The following NRIP1 variants were observed in gnomAD, a reference collection of about 807,000 sequenced individuals.
The protein encoded by NRIP1 is nuclear receptor-interacting protein 1.
A neutral mutation model predicts 75.0 loss-of-function variants in NRIP1; 28 were observed. The observed-to-expected ratio is 0.37, with a 90% confidence interval of 0.28 to 0.51. The LOEUF is 0.51. NRIP1 is among the 20% of genes least tolerant of loss of function. The pLI, the probability that NRIP1 is intolerant of heterozygous loss-of-function variation, is 0.92. For synonymous variants in NRIP1, 526 were observed against 487.6 expected (o/e 1.08, Z -1.04); for missense variants, 1,435 against 1,343.7 (o/e 1.07, Z -1.06).
At chr21:14,992,285 G>A (rs567341818) in intron 3 of NRIP1, 1 of 152,282 alleles carries the variant, frequency 6.6e-6, no homozygotes, top group Non-Finnish European at 1.5e-5. Flanking sequence ...CCGGACTCAA[G>A]TGATCCCCCG....
intron 3 of NRIP1, among the ~76,000 whole-genome samples, chr21:14,985,120 T>A (rs1326346129): frequency 6.6e-6 from 1 of 152,222 alleles, no homozygotes; most frequent in Admixed American, 6.5e-5. Context: ...CATGAGAGTA[T>A]AAACTCCTTA....
chr21:14,980,817 A>T (rs1018153138), intron 3 of NRIP1, among the ~76,000 whole-genome samples: 61 of 152,310 alleles, frequency 4.0e-4, no homozygotes, highest in African/African-American at 1.4e-3. Flanking sequence ...TGATAAATTA[A>T]ATACCTTTGC....
At chr21:15,043,041 A>C (rs1210799137) in intron 2 of NRIP1, among the ~76,000 whole-genome samples, 1 of 152,222 alleles carries the variant, frequency 6.6e-6, no homozygotes, top group Non-Finnish European at 1.5e-5. Flanking sequence ...GAGTCTGTCC[A>C]CGGACTCTGA....
In NRIP1 at chr21:14,965,707, C is replaced by A; in HGVS notation, c.2486G>T (p.Ser829Ile). Reference protein sequence around the residue: ...LSRLLRQNQDSYLADDSDRSH... With the variant: ...LSRLLRQNQDIYLADDSDRSH... ...CCTGTCTGAATCATCTGCCAGGTAACTATCTTGATTTTGTCTTAGCAATCG... is the reference window on the plus strand; with the variant it reads ...CCTGTCTGAATCATCTGCCAGGTAAATATCTTGATTTTGTCTTAGCAATCG... Residue 829 changes from serine (S) to isoleucine (I), a missense_variant, in exon 4 of 4, where the codon AGT becomes ATT. Transcript: ENST00000318948. The A allele has an allele frequency of 3.1e-6, 5 of 1,613,816 alleles. No individual in the cohort carries two copies. Among genetic ancestry groups the A allele is most frequent in the Non-Finnish European group, 4.2e-6 (5 of 1,179,978 alleles).
At chr21:14,988,497 A>ATGTGTGTGTG (rs1370123141) in intron 3 of NRIP1, among the ~76,000 whole-genome samples, 39 of 141,900 alleles carry the variant, frequency 2.7e-4, no homozygotes, top group South Asian at 2.2e-3. Flanking sequence ...TAGTATATAT[A>ATGTGTGTGTG]TATGTGTGTG....
intron 2 of NRIP1, among the ~76,000 whole-genome samples, chr21:15,030,372 T>C (rs1455520947): frequency 6.6e-6 from 1 of 152,236 alleles, no homozygotes; most frequent in African/African-American, 2.4e-5. Context: ...TTCACACAGT[T>C]TCCCACACTG....
chr21:15,038,397 C>A (rs890309132), intron 2 of NRIP1, among the ~76,000 whole-genome samples: 3 of 151,962 alleles, frequency 2.0e-5, no homozygotes, highest in Non-Finnish European at 4.4e-5. Context: ...AAATTACTTT[C>A]CAAAACCTTT....
intron 1 of NRIP1, among the ~76,000 whole-genome samples, chr21:15,064,140 G>A (rs1978611391): frequency 6.6e-6 from 1 of 152,246 alleles, no homozygotes; most frequent in Non-Finnish European, 1.5e-5. Flanking sequence ...AATGGGGGCC[G>A]GCCCCTGGCT....
chr21:14,974,939 C>A (rs1293434664), intron 3 of NRIP1, among the ~76,000 whole-genome samples: 1 of 151,800 alleles, frequency 6.6e-6, no homozygotes, highest in Non-Finnish European at 1.5e-5. Flanking sequence ...GAGACCCCAT[C>A]TTTACAAAAA....
At chr21:15,002,648 T>G (rs1336178442) in intron 3 of NRIP1, among the ~76,000 whole-genome samples, 1 of 152,158 alleles carries the variant, frequency 6.6e-6, no homozygotes, top group African/African-American at 2.4e-5. Flanking sequence ...AACAATTGTT[T>G]TTCCAGAAAC....
chr21:14,966,283 C>T lies in NRIP1; in HGVS notation c.1910G>A (p.Cys637Tyr). The change falls in exon 4 of 4, where the codon TGT becomes TAT. Residue 637 changes from cysteine to tyrosine, a missense_variant. By Grantham distance (194) the Cys-to-Tyr change is radical. Transcript: ENST00000318948. ...ASKLLQNLAQ[C>Y]GMQSSMSVEE... ...CACTGACATGGATGACTGCATTCCA[C>T]ATTGTGCTAAATTTTGTAACAGCTT... The T allele has an allele frequency of 6.2e-7, 1 of 1,614,132 alleles. No individual in the cohort carries two copies.
intron 2 of NRIP1, among the ~76,000 whole-genome samples, chr21:15,017,393 T>C (rs183763653): frequency 8.1e-4 from 123 of 152,338 alleles, no homozygotes; most frequent in African/African-American, 2.8e-3. Context: ...TCATTATCTG[T>C]TGATGACACC....
Position 14,998,659 on chromosome 21 carries a change from C to A in NRIP1, c.-335+15685G>T, listed in dbSNP as rs531035038. ...ACAGCAACACCAACTCCTTAGCCTA[C>A]TTAATGTGAAGATGATGAGGATAAA... is the stretch of plus-strand genomic sequence containing the variant. On this transcript the variant is annotated intron_variant, in intron 3 of 3. Transcript: ENST00000318948. Among the ~76,000 whole-genome samples the A allele has an allele frequency of 2.0e-5, 3 of 152,328 alleles. No homozygotes were observed. In the South Asian group the frequency reaches 6.2e-4, roughly 32 times the overall value.
At chr21:15,065,158 T>C (rs1042434936), upstream of NRIP1, among the ~76,000 whole-genome samples, 4 of 151,688 alleles carry the variant, frequency 2.6e-5, no homozygotes, top group African/African-American at 9.7e-5. Context: ...TCCCTCCCAT[T>C]GTCACCCGGT....
intron 3 of NRIP1, among the ~76,000 whole-genome samples, chr21:14,989,302 A>G (rs1046287690): frequency 6.6e-6 from 1 of 152,216 alleles, no homozygotes; most frequent in Admixed American, 6.5e-5. Flanking sequence ...GAGGTAAATA[A>G]GATGTCCAAG....
At chr21:14,991,630 T>C (rs1325131267) in intron 3 of NRIP1, among the ~76,000 whole-genome samples, 1 of 152,126 alleles carries the variant, frequency 6.6e-6, no homozygotes, top group African/African-American at 2.4e-5. Flanking sequence ...GGGAGACTTG[T>C]AAGTGTCACT....
chr21:15,011,198 C>CT (rs779014818), intron 3 of NRIP1, among the ~76,000 whole-genome samples: 8 of 151,506 alleles, frequency 5.3e-5, no homozygotes, highest in Non-Finnish European at 7.4e-5. Flanking sequence ...AGTACTGGCA[C>CT]TTTTTTTTTG....
chr21:15,035,836 A>G (rs2088820909), intron 2 of NRIP1, among the ~76,000 whole-genome samples: 1 of 152,170 alleles, frequency 6.6e-6, no homozygotes, highest in Admixed American at 6.6e-5. Context: ...GATTACAGGC[A>G]TCGTGATGTA....
intron 3 of NRIP1, among the ~76,000 whole-genome samples, chr21:14,986,741 T>A (rs1421452548): frequency 6.6e-6 from 1 of 152,208 alleles, no homozygotes; most frequent in African/African-American, 2.4e-5. Context: ...ATTTTTGGCA[T>A]ATATTTTATT....
Sources: allele counts gnomAD v4.1 joint callset (sites outside exome capture counted in the v4.1 genomes callset), GRCh38; gene constraint gnomAD v4.1.1; transcripts MANE v1.5; gene names NCBI Gene and HGNC (gene_info 2026-07-23, HGNC 2026-07-21).